Variants in SLC22A9 observed in about 807,000 individuals in gnomAD.
The protein encoded by SLC22A9 is solute carrier family 22 member 9.
SLC22A9 carries 64 observed loss-of-function variants against 50.1 expected under a neutral mutation model. The observed-to-expected ratio is 1.28, with a 90% CI of 1.04 to 1.57. The LOEUF (loss-of-function observed/expected upper bound fraction) is 1.57. SLC22A9 is among the 40% of genes most tolerant of loss of function. SLC22A9 has a pLI of 0.00. For missense variants in SLC22A9, 757 were observed against 676.1 expected, an observed-to-expected ratio of 1.12 and a Z score of -1.33; for synonymous variants, 261 against 242.5, an observed-to-expected ratio of 1.08 and a Z score of -0.71.
In SLC22A9 at chr11:63,407,045, C is replaced by T. The variant is rs544548227; in HGVS notation, c.1288+334C>T. On this transcript the variant is annotated intron_variant, in intron 7 of 9. Transcript: ENST00000279178. Reference sequence around the variant, plus strand: ...CTTTAAATGAGTATTGAGGTATAGGCCTTGTCATTGTTTCCCAACATGAGG... The same window carrying T: ...CTTTAAATGAGTATTGAGGTATAGGTCTTGTCATTGTTTCCCAACATGAGG... Among the ~76,000 whole-genome samples, 24 of 152,250 alleles carry T rather than the reference C, an allele frequency of 1.6e-4. No individual in the cohort carries two copies. The South Asian group carries it at 3.1e-3, about 20-fold the overall frequency.
At chr11:63,380,128 C>G (rs982190456) in intron 5 of SLC22A9, among the ~76,000 whole-genome samples, 1 of 151,990 alleles carries the variant, frequency 6.6e-6, no homozygotes, top group Non-Finnish European at 1.5e-5. Context: ...AAATCAAAAC[C>G]ACGATAAGAT....
At chr11:63,387,683 G>T (rs1283435144) in intron 6 of SLC22A9, among the ~76,000 whole-genome samples, 1 of 152,006 alleles carries the variant, frequency 6.6e-6, no homozygotes, top group Non-Finnish European at 1.5e-5. Context: ...TTCTATTTCT[G>T]CGGAAAATGT....
rs188437732 is a variant in SLC22A9, at chr11:63,406,729, G to A, written c.1288+18G>A. The A allele has an allele frequency of 1.5e-4, 236 of 1,610,872 alleles. No individual in the cohort carries two copies. The African/African-American group carries it at 2.8e-3, about 19-fold the overall frequency. On this transcript the variant is annotated intron_variant, in intron 7 of 9. Transcript: ENST00000279178. The stretch of plus-strand genomic sequence containing the variant: ...GCCACAAGGTGAGAAAAGATCACAG[G>A]TGGAAGAGAGAAATGCCTTTGCCTC...
intron 1 of SLC22A9, 118 bp downstream of exon 1, chr11:63,370,576 C>A: frequency 1.7e-6 from 2 of 1,190,228 alleles, no homozygotes; most frequent in Non-Finnish European, 1.1e-6. Flanking sequence ...ATTCTTTCAG[C>A]AAATACTAAT....
chr11:63,408,910 G>T lies in SLC22A9; in HGVS notation c.1601+31G>T, dbSNP rs777306763. The T allele has an allele frequency of 1.9e-6, 3 of 1,609,100 alleles. No homozygotes were observed. The South Asian group carries it at 3.3e-5, about 18-fold the overall frequency. On this transcript the variant is annotated intron_variant, in intron 9 of 9. Coordinates refer to ENST00000279178, the MANE Select transcript of SLC22A9 (RefSeq NM_080866.3). ...TAAATAGCCCGGTTGCCCCTCAGAG[G>T]ATCTGTGTGCTATAGGTCTGTGCTG...
intron 6 of SLC22A9, among the ~76,000 whole-genome samples, chr11:63,385,686 CT>C (rs903783915): frequency 6.6e-6 from 1 of 151,990 alleles, no homozygotes; most frequent in Non-Finnish European, 1.5e-5. Context: ...GCTTAAGAAG[CT>C]TTTGGGATGA....
chr11:63,378,356 G>T (rs1181339802), intron 5 of SLC22A9, among the ~76,000 whole-genome samples: 1 of 151,926 alleles, frequency 6.6e-6, no homozygotes, highest in Non-Finnish European at 1.5e-5. Context: ...AACAAACTAG[G>T]CATCGAAGGA....
At chr11:63,381,743 A>T (rs114183501) in intron 5 of SLC22A9, among the ~76,000 whole-genome samples, 41 of 152,298 alleles carry the variant, frequency 2.7e-4, no homozygotes, top group African/African-American at 9.1e-4. Context: ...TTCTGAGGCA[A>T]GCTGTTTTTC....
Position 63,373,981 on chromosome 11 carries a change from G to T in SLC22A9, c.749G>T (p.Gly250Val), listed in dbSNP as rs145550533. The change falls in exon 4 of 10, where the codon GGC becomes GTC. Residue 250 changes from glycine to valine, a missense_variant. Gly to Val is a moderately radical substitution (Grantham distance 109, BLOSUM62 -3). Coordinates refer to ENST00000279178, the MANE Select transcript of SLC22A9 (RefSeq NM_080866.3). ...PSGIAFMTLA[G>V]LAFAIRDWHI... ...GGTATTGCATTTATGACCCTGGCAG[G>T]CCTGGCTTTTGCCATTCGAGACTGG... 8.9e-5 allele frequency: 144 copies of T among 1,613,476 alleles called. No homozygotes were observed. The highest frequency in any genetic ancestry group is 1.2e-4 in the Non-Finnish European group (142 of 1,179,780).
intron 6 of SLC22A9, among the ~76,000 whole-genome samples, chr11:63,387,244 A>AT (rs2014685586): frequency 6.6e-6 from 1 of 151,774 alleles, no homozygotes; most frequent in Admixed American, 6.6e-5. Flanking sequence ...AATTTTCCCA[A>AT]TTTTTTCTTG....
intron 6 of SLC22A9, among the ~76,000 whole-genome samples, chr11:63,382,863 TG>T (rs1471947488): frequency 3.3e-5 from 5 of 152,190 alleles, no homozygotes; most frequent in African/African-American, 1.2e-4. Context: ...CAAGAACAGT[TG>T]CACTGAAATG....
intron 6 of SLC22A9, among the ~76,000 whole-genome samples, chr11:63,391,241 T>C (rs938684106): frequency 6.6e-6 from 1 of 152,148 alleles, no homozygotes; most frequent in Non-Finnish European, 1.5e-5. Context: ...GCTTAACATA[T>C]GGTCTATCCT....
rs754572903 is a variant in SLC22A9, at chr11:63,408,808, C to G, written c.1530C>G (p.Gly510=). Reference sequence around the variant, plus strand: ...ATGGAGTCTTCCCCTTCATCTCTGGCTTTGCTTTCCTCCTCCTTCCTGAAA... The same window carrying G: ...ATGGAGTCTTCCCCTTCATCTCTGGGTTTGCTTTCCTCCTCCTTCCTGAAA... The part of the protein sequence containing the change: ...IIYGVFPFIS[G]FAFLLLPETR... The change falls in exon 9 of 10, where the codon GGC becomes GGG. Residue 510 remains glycine, a synonymous_variant. Coordinates refer to ENST00000279178, the MANE Select transcript of SLC22A9 (RefSeq NM_080866.3). The G allele has an allele frequency of 1.2e-6, 2 of 1,613,996 alleles. No homozygotes were observed. The highest frequency in any genetic ancestry group is 8.5e-7 in the Non-Finnish European group (1 of 1,179,930).
chr11:63,375,550 T>A, intron 4 of SLC22A9, 95 bp from the exon 5 acceptor site: 1 of 1,508,262 alleles, frequency 6.6e-7, no homozygotes, highest in Non-Finnish European at 8.9e-7. Flanking sequence ...AAGTGGTGGA[T>A]ATTAGCTTGG....
chr11:63,401,838 T>G (rs1306339116), intron 6 of SLC22A9, among the ~76,000 whole-genome samples: 1 of 152,178 alleles, frequency 6.6e-6, no homozygotes, highest in African/African-American at 2.4e-5. Flanking sequence ...TGCTTTCATT[T>G]GTATTTCTCA....
chr11:63,396,013 A>G (rs1447949353), intron 6 of SLC22A9, among the ~76,000 whole-genome samples: 1 of 152,126 alleles, frequency 6.6e-6, no homozygotes, highest in African/African-American at 2.4e-5. Context: ...GGCCTCACCC[A>G]GCTCCCATGC....
intron 6 of SLC22A9, among the ~76,000 whole-genome samples, chr11:63,388,208 G>A (rs972059350): frequency 6.6e-6 from 1 of 152,052 alleles, no homozygotes; most frequent in African/African-American, 2.4e-5. Flanking sequence ...GGGCTATGTT[G>A]AATAACAGAG....
intron 6 of SLC22A9, among the ~76,000 whole-genome samples, chr11:63,397,071 G>C (rs1212641529): frequency 6.6e-6 from 1 of 152,184 alleles, no homozygotes; most frequent in African/African-American, 2.4e-5. Context: ...CATCACTGCA[G>C]ACATATGTTC....
chr11:63,406,583 G>A lies in SLC22A9; in HGVS notation c.1160G>A (p.Gly387Asp). 5 of 1,613,750 alleles carry A rather than the reference G, an allele frequency of 3.1e-6. No individual in the cohort carries two copies. The highest frequency in any genetic ancestry group is 1.1e-5 in the South Asian group (1 of 91,070). The part of the protein sequence containing the change: ...NNVFLLQTLF[G>D]AVILLANCVA... ...GTTTTCCTGTTGCAGACTCTCTTTG[G>A]TGCAGTCATCCTCCTGGCCAACTGT... The change falls in exon 7 of 10, where the codon GGT (glycine) becomes GAT (aspartate). Residue 387 changes from glycine (G) to aspartate (D), a missense_variant. By Grantham distance (94) the Gly-to-Asp change is moderately conservative (BLOSUM62 -1). Transcript: ENST00000279178.
Sources: gnomAD v4.1 joint callset for allele counts (sites outside exome capture counted in the v4.1 genomes callset) on GRCh38, gnomAD v4.1.1 for gene constraint, MANE v1.5 for transcripts, NCBI Gene and HGNC (gene_info 2026-07-23, HGNC 2026-07-21) for gene names.